Variants in CDC42BPA observed in about 807,000 individuals in gnomAD.
The protein encoded by CDC42BPA is CDC42 binding protein kinase alpha.
A neutral mutation model predicts 223.5 loss-of-function variants in CDC42BPA; 80 were observed. That is an observed-to-expected ratio of 0.36 (90% confidence interval 0.30 to 0.43). The LOEUF is 0.43. CDC42BPA is among the 20% of genes least tolerant of loss of function. CDC42BPA has a pLI of 1.00. For missense variants in CDC42BPA, 1,743 were observed against 2,099.9 expected (o/e 0.83, Z 3.32); for synonymous variants, 694 against 718.6 (o/e 0.97, Z 0.55).
chr1:227,116,870 G>A (rs1301426020), intron 12 of CDC42BPA, among the ~76,000 whole-genome samples: 1 of 152,098 alleles, frequency 6.6e-6, no homozygotes, highest in Admixed American at 6.6e-5. Context: ...CTGGACCAAG[G>A]GGGCTTCCTT....
At chr1:227,128,208 C>A (rs750686078) in intron 11 of CDC42BPA, among the ~76,000 whole-genome samples, 3 of 152,162 alleles carry the variant, frequency 2.0e-5, no homozygotes, top group Admixed American at 6.5e-5. Flanking sequence ...AGTTTTTGCA[C>A]CGGCTAGTCC....
intron 35 of CDC42BPA, among the ~76,000 whole-genome samples, chr1:226,997,993 T>A (rs7528830): frequency 1.8e-4 from 27 of 152,218 alleles, no homozygotes; most frequent in African/African-American, 6.3e-4. Flanking sequence ...ATCACAAGCA[T>A]TCCTACACAC....
intron 14 of CDC42BPA, among the ~76,000 whole-genome samples, chr1:227,104,273 C>A (rs1360346850): frequency 6.6e-6 from 1 of 151,988 alleles, no homozygotes; most frequent in African/African-American, 2.4e-5. Flanking sequence ...TTTCTGGGTG[C>A]CTGTTCTAAG....
chr1:227,313,698 A>C (rs1693894567), intron 1 of CDC42BPA, among the ~76,000 whole-genome samples: 1 of 152,154 alleles, frequency 6.6e-6, no homozygotes, highest in Non-Finnish European at 1.5e-5. Context: ...TGAAGAACAA[A>C]AGTGTCCTAG....
At chr1:227,266,420 T>C (rs927329381) in intron 1 of CDC42BPA, among the ~76,000 whole-genome samples, 1 of 152,192 alleles carries the variant, frequency 6.6e-6, no homozygotes, top group Non-Finnish European at 1.5e-5. Flanking sequence ...AATCTAACAC[T>C]GACACTGCTG....
At chr1:227,039,661 G>C (rs956460224) in intron 24 of CDC42BPA, among the ~76,000 whole-genome samples, 1 of 151,820 alleles carries the variant, frequency 6.6e-6, no homozygotes, top group African/African-American at 2.4e-5. Context: ...GTGCCTAGAA[G>C]TACAGTGGGT....
intron 1 of CDC42BPA, among the ~76,000 whole-genome samples, chr1:227,270,537 T>C (rs1392666629): frequency 6.6e-6 from 1 of 152,210 alleles, no homozygotes; most frequent in South Asian, 2.1e-4. Context: ...GTGATAATAG[T>C]AGAACCTAGG....
chr1:227,226,965 C>CA (rs1676967752), intron 2 of CDC42BPA, among the ~76,000 whole-genome samples: 1 of 152,030 alleles, frequency 6.6e-6, no homozygotes, highest in Non-Finnish European at 1.5e-5. Context: ...AGAGCAATTA[C>CA]ATAGAGAGTT....
intron 33 of CDC42BPA, 52 bp downstream of exon 33, chr1:227,016,874 TA>T: frequency 6.6e-7 from 1 of 1,511,456 alleles, no homozygotes; most frequent in Non-Finnish European, 8.9e-7. Context: ...CATCACCGAG[TA>T]GTCCTTGATG....
chr1:227,159,396 G>A (rs1663431423), intron 6 of CDC42BPA, among the ~76,000 whole-genome samples: 1 of 152,124 alleles, frequency 6.6e-6, no homozygotes, highest in Non-Finnish European at 1.5e-5. Context: ...TGAGGCAGAA[G>A]AATCACTTGA....
intron 14 of CDC42BPA, among the ~76,000 whole-genome samples, chr1:227,105,022 A>G (rs1250438506): frequency 6.6e-6 from 1 of 152,180 alleles, no homozygotes; most frequent in African/African-American, 2.4e-5. Context: ...AGTTTTCTTT[A>G]AAAATTTTTT....
intron 7 of CDC42BPA, among the ~76,000 whole-genome samples, chr1:227,146,781 G>A (rs1660786026): frequency 6.6e-6 from 1 of 152,078 alleles, no homozygotes; most frequent in Non-Finnish European, 1.5e-5. Flanking sequence ...ATGTCATAGG[G>A]TAGATTCCTA....
chr1:227,162,262 T>C (rs1664049376), intron 5 of CDC42BPA, among the ~76,000 whole-genome samples: 1 of 151,864 alleles, frequency 6.6e-6, no homozygotes, highest in Non-Finnish European at 1.5e-5. Context: ...TAATACTATA[T>C]AAATAAAATA....
intron 2 of CDC42BPA, among the ~76,000 whole-genome samples, chr1:227,220,293 T>C (rs1288912990): frequency 1.1e-5 from 1 of 91,916 alleles, no homozygotes; most frequent in Admixed American, 1.1e-4. Flanking sequence ...TATATATATA[T>C]ATATATATAT....
At chr1:227,282,188 C>CAA (rs10715170) in intron 1 of CDC42BPA, among the ~76,000 whole-genome samples, 5 of 105,654 alleles carry the variant, frequency 4.7e-5, no homozygotes, top group Non-Finnish European at 5.8e-5. Context: ...AACTCCGTCT[C>CAA]AAAAAAAAAA....
intron 16 of CDC42BPA, among the ~76,000 whole-genome samples, chr1:227,081,289 T>C (rs1680575463): frequency 6.6e-6 from 1 of 152,074 alleles, no homozygotes; most frequent in Non-Finnish European, 1.5e-5. Context: ...AGCTTTTTTT[T>C]TTCTCCAAAA....
chr1:227,193,759 G>A (rs909694921), intron 5 of CDC42BPA, 27 bp downstream of exon 5: 2 of 1,551,176 alleles, frequency 1.3e-6, no homozygotes, highest in African/African-American at 1.4e-5. Context: ...GTAACTCACA[G>A]CCAGGTACAA....
At chr1:227,206,770 GA>G (rs1460040153) in intron 3 of CDC42BPA, among the ~76,000 whole-genome samples, 2 of 152,138 alleles carry the variant, frequency 1.3e-5, no homozygotes, top group Non-Finnish European at 2.9e-5. Flanking sequence ...AGTTTGAGGA[GA>G]GTACCTTTCA....
At chr1:227,227,005 A>G (rs1449900449) in intron 2 of CDC42BPA, among the ~76,000 whole-genome samples, 2 of 152,160 alleles carry the variant, frequency 1.3e-5, no homozygotes, top group South Asian at 4.1e-4. Flanking sequence ...CAAGGAGTCA[A>G]GAGAGCTAAT....
Sources: allele counts gnomAD v4.1 joint callset (sites outside exome capture counted in the v4.1 genomes callset), GRCh38; gene constraint gnomAD v4.1.1; transcripts MANE v1.5; gene names NCBI Gene and HGNC (gene_info 2026-07-23, HGNC 2026-07-21).